The following HIP1R variants were observed in gnomAD, a reference collection of about 807,000 sequenced individuals.
HIP1R encodes the protein huntingtin-interacting protein 1-related protein.
In HIP1R, 135 loss-of-function variants were observed where a neutral mutation model predicts 144.2. That is an observed-to-expected ratio of 0.94 (90% confidence interval 0.81 to 1.08). The LOEUF (loss-of-function observed/expected upper bound fraction) is 1.08, where lower values mean the gene tolerates loss of function less well. Among genes scored for constraint, HIP1R ranks in the 50% least tolerant of loss-of-function variants. HIP1R has a pLI of 0.00. For missense variants in HIP1R, 1,462 were observed against 1,432.8 expected, an observed-to-expected ratio of 1.02 and a Z score of -0.33; for synonymous variants, 698 against 612.8, an observed-to-expected ratio of 1.14 and a Z score of -2.05.
Position 122,856,000 on chromosome 12 carries a change from G to A in HIP1R, c.1149G>A (p.Gln383=). Reference sequence around the variant, plus strand: ...CGCAGGCCCAGCGGTACATCGCGCAGCTGAAGAGCCAGGTGAATGCACTGG... The same window carrying A: ...CGCAGGCCCAGCGGTACATCGCGCAACTGAAGAGCCAGGTGAATGCACTGG... ...IKLEAQRYIA[Q]LKSQVNALEG... Residue 383 remains glutamine (Q), a synonymous_variant, in exon 14 of 32, where the codon CAG becomes CAA. Transcript: ENST00000253083. The A allele has an allele frequency of 6.3e-7, 1 of 1,592,848 alleles. No individual in the cohort carries two copies. The highest frequency in any genetic ancestry group is 8.5e-7 in the Non-Finnish European group (1 of 1,170,074).
chr12:122,856,139 C>G lies in HIP1R; in HGVS notation c.1288C>G (p.Gln430Glu), dbSNP rs755510855. 1.3e-4 allele frequency: 208 copies of G among 1,595,002 alleles called. No individual in the cohort carries two copies. The East Asian group carries it at 4.3e-3, about 33-fold the overall frequency. The stretch of plus-strand genomic sequence containing the variant: ...TGCCCAGCTGGAGGGCGAGCGGAGC[C>G]AGGGCCTGCGTGAGGAGGCTGAGAG... ...RAAQLEGERS[Q>E]GLREEAERKA... The change falls in exon 14 of 32, where the codon CAG becomes GAG. Residue 430 changes from glutamine to glutamate, a missense_variant. This residue lies in a region of HIP1R where 1,112 missense variants were observed against 1,011.7 expected (regional missense o/e 1.10). Coordinates refer to ENST00000253083, the MANE Select transcript of HIP1R (RefSeq NM_003959.3).
At position 122,860,075 on chromosome 12, in the gene HIP1R, A is replaced by G. The variant is rs778902393; in HGVS notation, c.2494A>G (p.Lys832Glu). 6.4e-7 allele frequency: 1 copy of G among 1,574,568 alleles called. No individual in the cohort carries two copies. Among genetic ancestry groups the G allele is most frequent in the Non-Finnish European group, 8.6e-7 (1 of 1,160,570 alleles). ...RILNSCTDLMKAIRLLVTTST... is the reference protein window; with the variant it reads ...RILNSCTDLMEAIRLLVTTST... ...CCTCAACTCCTGCACAGACCTGATG[A>G]AGGTGAGGGGCTGTGACCCGGGGGG... The change falls in exon 25 of 32, where the codon AAG becomes GAG. Residue 832 changes from lysine (K) to glutamate (E), a missense_variant and splice_region_variant. Lys to Glu is a moderately conservative substitution (Grantham distance 56). This residue lies in a region of HIP1R where 1,112 missense variants were observed against 1,011.7 expected (regional missense o/e 1.10). Transcript: ENST00000253083.
At chr12:122,846,400 T>C (rs987996995) in intron 1 of HIP1R, among the ~76,000 whole-genome samples, 1 of 152,206 alleles carries the variant, frequency 6.6e-6, no homozygotes. Context: ...GGAGGCGAGT[T>C]GCCCATGCCT....
rs2033648024 is a variant in HIP1R, at chr12:122,858,093, CA to C, written c.1816-8del. On this transcript the variant is annotated splice_polypyrimidine_tract_variant and splice_region_variant and intron_variant, in intron 18 of 31. Transcript: ENST00000253083. Reference sequence around the variant, plus strand: ...ATCTCTAACCTGTCCTCTTCACCCCCATTGCCAGGAGTCTCAGGAGCAGGGG... The same window carrying C: ...ATCTCTAACCTGTCCTCTTCACCCCCTTGCCAGGAGTCTCAGGAGCAGGGG... 4.5e-6 allele frequency: 7 copies of C among 1,568,680 alleles called. No homozygotes were observed. Among genetic ancestry groups the C allele is most frequent in the Middle Eastern group, 1.7e-4 (1 of 5,858 alleles).
chr12:122,858,770 G>T (rs376290725), intron 20 of HIP1R, 68 bp from the exon 21 acceptor site: 4 of 1,119,822 alleles, frequency 3.6e-6, no homozygotes, highest in African/African-American at 1.5e-5. Context: ...GCTGGCCACC[G>T]ACGGTGGTCC....
At chr12:122,849,704 G>A (rs1264571382) in intron 4 of HIP1R, among the ~76,000 whole-genome samples, 171 bp from the exon 5 acceptor site, 1 of 152,268 alleles carries the variant, frequency 6.6e-6, no homozygotes, top group Non-Finnish European at 1.5e-5. Context: ...TGACAAGGAG[G>A]AAGATTAAGG....
chr12:122,861,472 C>T lies in HIP1R; in HGVS notation c.3117C>T (p.Pro1039=). The part of the protein sequence containing the change: ...APRSVTTKKP[P]LAQKPSVAPR... ...GAAGTGTAACCACCAAGAAACCACC[C>T]CTGGCCCAGAAGCCCAGCGTGGCCC... Residue 1039 remains proline (P), a synonymous_variant, in exon 31 of 32, where the codon CCC becomes CCT. Transcript: ENST00000253083. The T allele has an allele frequency of 1.2e-6, 2 of 1,613,452 alleles. No individual in the cohort carries two copies. The highest frequency in any genetic ancestry group is 1.7e-6 in the Non-Finnish European group (2 of 1,179,864).
intron 23 of HIP1R, 76 bp downstream of exon 23, chr12:122,859,612 A>C: frequency 7.2e-7 from 1 of 1,379,640 alleles, no homozygotes; most frequent in Non-Finnish European, 1.0e-6. Context: ...GGCTGGGTAC[A>C]GGCTGCACCC....
In HIP1R at chr12:122,836,246, A is replaced by C. The variant is rs1593854862; in HGVS notation, c.93+603A>C. On this transcript the variant is annotated intron_variant, in intron 1 of 31. Transcript: ENST00000253083. This position sits in a 1 kb window ranked among gnomAD's most constrained non-coding sequence, Gnocchi z 4.1. ...ACAGTCTCCTATTATTTGCTGGGTGAAAAGCTTCTCGTATGTCGCCAGACT... is the reference window on the plus strand; with the variant it reads ...ACAGTCTCCTATTATTTGCTGGGTGCAAAGCTTCTCGTATGTCGCCAGACT... 6.6e-6 allele frequency among the ~76,000 whole-genome samples: 1 copy of C among 152,248 alleles called. No homozygotes were observed. The highest frequency in any genetic ancestry group is 3.4e-3 in the Middle Eastern group (1 of 294).
chr12:122,849,499 C>G (rs191241871), intron 4 of HIP1R, among the ~76,000 whole-genome samples: 1 of 152,272 alleles, frequency 6.6e-6, no homozygotes, highest in African/African-American at 2.4e-5. Flanking sequence ...ATGGTGCCAC[C>G]TGCAGATGCA....
At chr12:122,861,560 TCCCCAGC>T in intron 31 of HIP1R, 46 bp downstream of exon 31, 1 of 1,583,364 alleles carries the variant, frequency 6.3e-7, no homozygotes, top group Non-Finnish European at 8.6e-7. Context: ...GGGGGTGCTG[TCCCCAGC>T]CCTAGAGGGG....
chr12:122,856,726 G>A lies in HIP1R; in HGVS notation c.1620G>A (p.Gln540=). 1.9e-6 allele frequency: 3 copies of A among 1,568,864 alleles called. No individual in the cohort carries two copies. The highest frequency in any genetic ancestry group is 2.6e-6 in the Non-Finnish European group (3 of 1,157,274). ...RAQEALSHTE[Q]SKSELSSRLD... is the part of the protein sequence containing the mutation. ...AGGAGGCCCTGAGCCACACAGAGCAGGTGCATCTGGCTTTGATGACTGGAG... is the reference window on the plus strand; with the variant it reads ...AGGAGGCCCTGAGCCACACAGAGCAAGTGCATCTGGCTTTGATGACTGGAG... Residue 540 remains glutamine, a splice_region_variant and synonymous_variant, in exon 17 of 32, where the codon CAG becomes CAA. Coordinates refer to ENST00000253083, the MANE Select transcript of HIP1R (RefSeq NM_003959.3).
intron 17 of HIP1R, 115 bp downstream of exon 17, chr12:122,856,841 G>A (rs1216954885): frequency 8.2e-6 from 9 of 1,096,720 alleles, no homozygotes; most frequent in African/African-American, 3.1e-5. Context: ...ATCCTGGGAT[G>A]CAGCCCTGAC....
upstream of HIP1R, chr12:122,834,978 A>C (rs2032827345): frequency 3.9e-6 from 5 of 1,288,552 alleles, no homozygotes; most frequent in Non-Finnish European, 5.1e-6. Flanking sequence ...CCAATTAACC[A>C]GATCTTGCCC....
chr12:122,851,824 C>G (rs1032971609), intron 7 of HIP1R, among the ~76,000 whole-genome samples: 2 of 152,248 alleles, frequency 1.3e-5, no homozygotes, highest in Admixed American at 6.5e-5. Flanking sequence ...TCAGCCATCT[C>G]TTCCATCCAG....
At chr12:122,838,321 TAAAA>T (rs59855317) in intron 1 of HIP1R, among the ~76,000 whole-genome samples, 5 of 127,626 alleles carry the variant, frequency 3.9e-5, no homozygotes, top group South Asian at 2.5e-4. Context: ...TCCCTTTGGT[TAAAA>T]AAAAAAAAAA....
chr12:122,855,266 G>T lies in HIP1R; in HGVS notation c.854G>T (p.Gly285Val). 1 of 1,612,764 alleles carries T rather than the reference G, an allele frequency of 6.2e-7. No homozygotes were observed. Among genetic ancestry groups the T allele is most frequent in the Non-Finnish European group, 8.5e-7 (1 of 1,179,892 alleles). The change falls in exon 11 of 32, where the codon GGA (glycine) becomes GTA (valine). Residue 285 changes from glycine to valine, a missense_variant and splice_region_variant. Physicochemically the swap from Gly to Val is moderately radical, Grantham distance 109. Around this residue, in one of 2 missense-constraint regions of HIP1R, gnomAD observed 350 missense variants for 421.1 expected, o/e 0.83. Coordinates refer to ENST00000253083, the MANE Select transcript of HIP1R (RefSeq NM_003959.3). ...AGGTCCCACCTGCCGCCCCTGCAGGGACCCCCTAACTTCCTGCGGGCCTCA... is the reference window on the plus strand; with the variant it reads ...AGGTCCCACCTGCCGCCCCTGCAGGTACCCCCTAACTTCCTGCGGGCCTCA... ...RLIQIPRLPE[G>V]PPNFLRASAL...
chr12:122,855,604 G>A lies in HIP1R; in HGVS notation c.1047G>A (p.Lys349=), dbSNP rs1166640862. ...TTGGACCCCCCAATGGGTCTGTGAA[G>A]GACGACAGGTGAGGGCTGGAGGAGC... The part of the protein sequence containing the change: ...QTFGPPNGSV[K]DDRDLQIESL... The change falls in exon 12 of 32, where the codon AAG becomes AAA. Residue 349 remains lysine, a synonymous_variant. Transcript: ENST00000253083. 3 of 1,549,646 alleles carry A rather than the reference G, an allele frequency of 1.9e-6. No homozygotes were observed. Among genetic ancestry groups the A allele is most frequent in the East Asian group, 4.9e-5 (2 of 40,928 alleles).
At chr12:122,848,765 C>T in intron 3 of HIP1R, 31 bp from the exon 4 acceptor site, 2 of 1,612,216 alleles carry the variant, frequency 1.2e-6, no homozygotes, top group African/African-American at 2.7e-5. Context: ...GTCCTGGACA[C>T]TCCCCCACTC....
Sources: allele counts gnomAD v4.1 joint callset (sites outside exome capture counted in the v4.1 genomes callset), GRCh38; gene constraint gnomAD v4.1.1; regional missense constraint gnomAD v4.1.1; non-coding constraint Gnocchi (gnomAD v3.1); transcripts MANE v1.5; gene names NCBI Gene and HGNC (gene_info 2026-07-23, HGNC 2026-07-21).